The following PPM1B variants were observed in gnomAD, a reference collection of about 807,000 sequenced individuals.
PPM1B encodes protein phosphatase 1B.
In PPM1B, 22 loss-of-function variants were observed where a neutral mutation model predicts 43.0. The ratio of observed to expected loss-of-function variants is 0.51; its 90% CI spans 0.37 to 0.73. The LOEUF is 0.73. Among genes scored for constraint, PPM1B ranks in the 30% least tolerant of loss-of-function variants. The pLI is 0.00. For synonymous variants in PPM1B, 217 were observed against 197.9 expected (o/e 1.10, Z -0.81); for missense variants, 632 against 584.2 (o/e 1.08, Z -0.84).
intron 1 of PPM1B, among the ~76,000 whole-genome samples, chr2:44,178,090 G>T (rs1270749923): frequency 6.6e-6 from 1 of 150,874 alleles, no homozygotes; most frequent in East Asian, 2.0e-4. Context: ...GCTAATTTTT[G>T]TGTTTTTTTT....
intron 1 of PPM1B, among the ~76,000 whole-genome samples, chr2:44,173,066 G>A (rs1667423956): frequency 6.6e-6 from 1 of 152,202 alleles, no homozygotes; most frequent in African/African-American, 2.4e-5. Flanking sequence ...CATAATCCCA[G>A]CACTTTGGGA....
At chr2:44,198,071 T>C (rs1283327790) in intron 1 of PPM1B, among the ~76,000 whole-genome samples, 6 of 152,184 alleles carry the variant, frequency 3.9e-5, no homozygotes, top group Non-Finnish European at 8.8e-5. Flanking sequence ...CTTGCCAATG[T>C]CCATGTGCCC....
intron 5 of PPM1B, among the ~76,000 whole-genome samples, chr2:44,242,465 A>G (rs1670770631): frequency 6.6e-6 from 1 of 152,162 alleles, no homozygotes; most frequent in South Asian, 2.1e-4. Flanking sequence ...ATTTTTCTCT[A>G]ATTTTCCATA....
At position 44,213,954 on chromosome 2, in the gene PPM1B, G is replaced by A. The variant is rs369695395; in HGVS notation, c.965-4013G>A. Among the ~76,000 whole-genome samples the A allele has an allele frequency of 1.7e-3, 257 of 152,282 alleles. 1 individual carries two copies. Among genetic ancestry groups the A allele is most frequent in the African/African-American group, 5.8e-3 (242 of 41,562 alleles). ...TCTTCCTCATTCATAAAGAAACTGGGTAGTTTTTATTTTAGGAAGAGCTCT... is the reference window on the plus strand; with the variant it reads ...TCTTCCTCATTCATAAAGAAACTGGATAGTTTTTATTTTAGGAAGAGCTCT... On this transcript the variant is annotated intron_variant, in intron 3 of 5. Transcript: ENST00000282412.
chr2:44,189,408 G>A (rs1402490717), intron 1 of PPM1B, among the ~76,000 whole-genome samples: 1 of 152,130 alleles, frequency 6.6e-6, no homozygotes, highest in East Asian at 1.9e-4. Flanking sequence ...TTCTCAAACT[G>A]TCTAGGATTC....
intron 1 of PPM1B, among the ~76,000 whole-genome samples, chr2:44,192,435 C>G (rs1472892172): frequency 6.6e-6 from 1 of 152,096 alleles, no homozygotes; most frequent in East Asian, 1.9e-4. Flanking sequence ...AGGGTGGTCT[C>G]AAACTCCTGA....
At chr2:44,214,558 G>A (rs114938846) in intron 3 of PPM1B, among the ~76,000 whole-genome samples, 1,978 of 152,176 alleles carry the variant, frequency 0.013, 39 homozygotes, top group African/African-American at 0.046. Flanking sequence ...ATAAAGATAA[G>A]TGGAATTTAT....
chr2:44,237,793 A>T (rs1196025949), downstream of PPM1B, among the ~76,000 whole-genome samples: 1 of 152,230 alleles, frequency 6.6e-6, no homozygotes, highest in African/African-American at 2.4e-5. Flanking sequence ...GGTGGGTCTG[A>T]TACCTTCTTT....
chr2:44,179,120 G>T (rs1388597576), intron 1 of PPM1B, among the ~76,000 whole-genome samples: 1 of 151,746 alleles, frequency 6.6e-6, no homozygotes, highest in Non-Finnish European at 1.5e-5. Context: ...GAGATCTGAT[G>T]GTTTTATAAT....
intron 3 of PPM1B, among the ~76,000 whole-genome samples, chr2:44,215,957 A>C (rs997836841): frequency 6.6e-6 from 1 of 152,212 alleles, no homozygotes; most frequent in East Asian, 1.9e-4. Context: ...AAAGACTAGG[A>C]GGGAATGTTC....
chr2:44,209,518 A>G (rs59585547), intron 3 of PPM1B, 191 bp downstream of exon 3: 7,735 of 570,966 alleles, frequency 0.014, 427 homozygotes, highest in African/African-American at 0.12. Flanking sequence ...GCAGTGGCTC[A>G]CACCTGTAAT....
rs1321783102 is a variant in PPM1B, at chr2:44,201,098, A to T, written c.-14-88A>T. 1 of 1,317,738 alleles carries T rather than the reference A, an allele frequency of 7.6e-7. No individual in the cohort carries two copies. Among genetic ancestry groups the T allele is most frequent in the African/African-American group, 1.5e-5 (1 of 67,380 alleles). 81.6% of individuals were successfully genotyped at this position (1,317,738 alleles called of 1,614,324 possible). A position where few individuals can be genotyped will look rare whatever the true frequency, so the allele number is the denominator to read the frequency against. ...AGGATAATACTAAAAAAAATACTTG[A>T]GGTAGGAGTTACTAGACTATAGAGG... On this transcript the variant is annotated intron_variant, in intron 1 of 5. Transcript: ENST00000282412. This position sits in a 1 kb window ranked among gnomAD's most constrained non-coding sequence, Gnocchi z 5.4.
chr2:44,179,282 C>T (rs1375812911), intron 1 of PPM1B, among the ~76,000 whole-genome samples: 1 of 152,208 alleles, frequency 6.6e-6, no homozygotes, highest in African/African-American at 2.4e-5. Flanking sequence ...GTAAATTGCA[C>T]AGTCTTGGGT....
downstream of PPM1B, chr2:44,234,145 A>G (rs1670545086): frequency 8.2e-6 from 8 of 973,210 alleles, no homozygotes; most frequent in Non-Finnish European, 9.8e-6. Flanking sequence ...TGAAAATTTA[A>G]TTCCAAAGAG....
intron 5 of PPM1B, among the ~76,000 whole-genome samples, chr2:44,241,932 C>T (rs899391895): frequency 8.1e-6 from 1 of 123,134 alleles, no homozygotes; most frequent in African/African-American, 3.1e-5. Context: ...GATCTCAGCT[C>T]ACTGCGAGCT....
chr2:44,210,088 A>C (rs1669387619), intron 3 of PPM1B, among the ~76,000 whole-genome samples: 1 of 152,106 alleles, frequency 6.6e-6, no homozygotes, highest in Non-Finnish European at 1.5e-5. Flanking sequence ...GCTAATACTA[A>C]TTCTCCCTTT....
chr2:44,212,438 A>T (rs1669515480), intron 3 of PPM1B, among the ~76,000 whole-genome samples: 1 of 152,014 alleles, frequency 6.6e-6, no homozygotes, highest in Non-Finnish European at 1.5e-5. Flanking sequence ...TGAATATCCC[A>T]TTCTGGATCA....
chr2:44,176,735 G>A (rs542998924), intron 1 of PPM1B, among the ~76,000 whole-genome samples: 58 of 152,270 alleles, frequency 3.8e-4, no homozygotes, highest in Admixed American at 5.9e-4. Flanking sequence ...TGGTGGTCTT[G>A]TGCTTTCATT....
intron 2 of PPM1B, among the ~76,000 whole-genome samples, chr2:44,203,889 G>A (rs1202725618): frequency 6.6e-6 from 1 of 152,150 alleles, no homozygotes; most frequent in African/African-American, 2.4e-5. Context: ...TGAGAATTTT[G>A]ACTCGACCCT....
Sources: allele counts gnomAD v4.1 joint callset (sites outside exome capture counted in the v4.1 genomes callset), GRCh38; gene constraint gnomAD v4.1.1; non-coding constraint Gnocchi (gnomAD v3.1); transcripts MANE v1.5; gene names NCBI Gene and HGNC (gene_info 2026-07-23, HGNC 2026-07-21).